ALPK2: variants seen among roughly 807,000 people sequenced by gnomAD.
The protein encoded by ALPK2 is alpha kinase 2.
ALPK2 carries 127 observed loss-of-function variants against 163.1 expected under a neutral mutation model. That is an observed-to-expected ratio of 0.78 (90% CI 0.67 to 0.90). ALPK2 has a LOEUF of 0.90. ALPK2 is among the 40% of genes least tolerant of loss of function. The pLI, the probability that ALPK2 is intolerant of heterozygous loss-of-function variation, is 0.00. For missense variants in ALPK2, 2,360 were observed against 2,589.6 expected (o/e 0.91, Z 1.92); for synonymous variants, 953 against 959.1 (o/e 0.99, Z 0.12).
At chr18:58,521,625 C>CTTTTTT (rs1375364902) in intron 8 of ALPK2, among the ~76,000 whole-genome samples, 8 of 50,550 alleles carry the variant, frequency 1.6e-4, no homozygotes, top group Admixed American at 1.0e-3. Flanking sequence ...CTTTCTCTCT[C>CTTTTTT]TCTTTTTTTT....
intron 4 of ALPK2, among the ~76,000 whole-genome samples, chr18:58,543,673 T>C (rs563463475): frequency 1.3e-5 from 2 of 152,328 alleles, no homozygotes; most frequent in South Asian, 4.1e-4. Flanking sequence ...CTGTGCTTAC[T>C]TTAAAGAAGA....
intron 8 of ALPK2, among the ~76,000 whole-genome samples, chr18:58,519,709 A>C (rs1240688815): frequency 6.6e-6 from 1 of 152,244 alleles, no homozygotes; most frequent in Non-Finnish European, 1.5e-5. Context: ...CTGCAGAGCA[A>C]GAGCTGGAGT....
At chr18:58,576,103 G>A (rs11874560) in intron 4 of ALPK2, among the ~76,000 whole-genome samples, 240 of 152,304 alleles carry the variant, frequency 1.6e-3, no homozygotes, top group African/African-American at 4.8e-3. Flanking sequence ...ACCGAGCGTG[G>A]TGGCTCATGC....
rs746507769 is a variant in ALPK2, at chr18:58,504,165, C to A, written c.6030-17G>T. The A allele has an allele frequency of 2.5e-6, 4 of 1,602,138 alleles. No homozygotes were observed. Among genetic ancestry groups the A allele is most frequent in the Non-Finnish European group, 3.4e-6 (4 of 1,169,400 alleles). Reference sequence around the variant, plus strand: ...GGAATGATCCTGGCAGGGAAGAGAACACAGGCGCACATCAAGGTCTCTACT... The same window carrying A: ...GGAATGATCCTGGCAGGGAAGAGAAAACAGGCGCACATCAAGGTCTCTACT... On this transcript the variant is annotated splice_polypyrimidine_tract_variant and intron_variant, in intron 10 of 12. Coordinates refer to ENST00000361673, the MANE Select transcript of ALPK2 (RefSeq NM_052947.4).
At chr18:58,598,890 C>T (rs1328949052) in intron 3 of ALPK2, among the ~76,000 whole-genome samples, 3 of 152,196 alleles carry the variant, frequency 2.0e-5, no homozygotes, top group Non-Finnish European at 4.4e-5. Flanking sequence ...CTGGTCTGCT[C>T]AGTTCTCAGA....
intron 3 of ALPK2, among the ~76,000 whole-genome samples, chr18:58,598,237 C>G (rs1270377143): frequency 1.3e-5 from 2 of 152,256 alleles, no homozygotes; most frequent in Non-Finnish European, 2.9e-5. Context: ...AGAGCGGCAG[C>G]TCCTCTCCCA....
At position 58,628,990 on chromosome 18, in the gene ALPK2, GGAA is replaced by G. The variant is rs1417766139; in HGVS notation, c.-250_-248del. On this transcript the variant is annotated 5_prime_UTR_variant, in exon 1 of 13. Coordinates refer to ENST00000361673, the MANE Select transcript of ALPK2 (RefSeq NM_052947.4). ...GAAATTCCATGCCCGGGGAAGTTCT[GGAA>G]GAAGAGCATTTTTTCCCCGCCCTTC... The G allele has an allele frequency of 6.6e-6, 1 of 152,224 alleles. No homozygotes were observed. Among genetic ancestry groups the G allele is most frequent in the Admixed American group, 6.5e-5 (1 of 15,280 alleles). The allele number at this position is 152,224 out of a possible 1,614,324, so 9.4% of individuals were successfully genotyped here.
At chr18:58,585,233 T>G (rs905335616) in intron 3 of ALPK2, among the ~76,000 whole-genome samples, 4 of 152,252 alleles carry the variant, frequency 2.6e-5, no homozygotes, top group African/African-American at 9.6e-5. Context: ...TTTGTTTATA[T>G]GGGTTATATC....
intron 4 of ALPK2, among the ~76,000 whole-genome samples, chr18:58,558,629 G>T (rs914750537): frequency 6.6e-6 from 1 of 152,136 alleles, no homozygotes; most frequent in African/African-American, 2.4e-5. Flanking sequence ...GCACATAAAT[G>T]TTCATAGCAG....
At chr18:58,610,165 T>C (rs2052120558) in intron 2 of ALPK2, among the ~76,000 whole-genome samples, 1 of 150,984 alleles carries the variant, frequency 6.6e-6, no homozygotes, top group Non-Finnish European at 1.5e-5. Context: ...TCCCAGCCAC[T>C]TGGGAGGCTG....
chr18:58,491,747 A>G (rs2051375990), intron 12 of ALPK2, among the ~76,000 whole-genome samples: 1 of 152,230 alleles, frequency 6.6e-6, no homozygotes, highest in Non-Finnish European at 1.5e-5. Context: ...TCTCTGTTGC[A>G]GTTCCCATCT....
chr18:58,557,702 T>G (rs60355093), intron 4 of ALPK2, among the ~76,000 whole-genome samples: 2 of 79,366 alleles, frequency 2.5e-5, no homozygotes, highest in African/African-American at 8.1e-5. Flanking sequence ...ATATATATAT[T>G]TATATTTTGT....
intron 12 of ALPK2, among the ~76,000 whole-genome samples, chr18:58,496,707 C>G (rs4940397): frequency 0.12 from 18,547 of 152,182 alleles, 1,375 homozygotes; most frequent in East Asian, 0.39. Context: ...TGGATTCATC[C>G]CACCACTTTA....
At position 58,535,277 on chromosome 18, in the gene ALPK2, A is replaced by G. The variant is rs145722489; in HGVS notation, c.4910T>C (p.Ile1637Thr). ...MEEPKIEVLQIGETKPPSSSS... is the reference protein window; with the variant it reads ...MEEPKIEVLQTGETKPPSSSS... Reference sequence around the variant, plus strand: ...TGAGCTTGGGGGTTTGGTTTCCCCAATTTGAAGCACCTCTATTTTAGGTTC... The same window carrying G: ...TGAGCTTGGGGGTTTGGTTTCCCCAGTTTGAAGCACCTCTATTTTAGGTTC... The change falls in exon 5 of 13, where the codon ATT becomes ACT. Residue 1637 changes from isoleucine to threonine, a missense_variant. Physicochemically the swap from Ile to Thr is moderately conservative, Grantham distance 89. Transcript: ENST00000361673. 11 of 1,614,156 alleles carry G rather than the reference A, an allele frequency of 6.8e-6. No homozygotes were observed. Among genetic ancestry groups the G allele is most frequent in the East Asian group, 6.7e-5 (3 of 44,886 alleles).
At chr18:58,590,437 A>C (rs1161375116) in intron 3 of ALPK2, among the ~76,000 whole-genome samples, 1 of 152,086 alleles carries the variant, frequency 6.6e-6, no homozygotes, top group African/African-American at 2.4e-5. Flanking sequence ...GTGGCTGCGA[A>C]TGTTTTGAGC....
chr18:58,542,857 C>A (rs538784110), intron 4 of ALPK2, among the ~76,000 whole-genome samples: 18 of 152,248 alleles, frequency 1.2e-4, no homozygotes, highest in African/African-American at 3.9e-4. Flanking sequence ...GGGGCTGAAG[C>A]CTTCAGAGCT....
In ALPK2 at chr18:58,537,494, A is replaced by G; in HGVS notation, c.2693T>C (p.Ile898Thr). ...PLFTSTFTLN[I>T]SHTASEGATG... ...GGCACCTTCACTAGCTGTGTGTGAA[A>G]TGTTCAAGGTGAAAGTACTGGTAAA... The change falls in exon 5 of 13, where the codon ATT becomes ACT. Residue 898 changes from isoleucine (I) to threonine (T), a missense_variant. Physicochemically the swap from Ile to Thr is moderately conservative, Grantham distance 89 (BLOSUM62 -1). Transcript: ENST00000361673. 1 of 1,612,084 alleles carries G rather than the reference A, an allele frequency of 6.2e-7. No individual in the cohort carries two copies. The highest frequency in any genetic ancestry group is 8.5e-7 in the Non-Finnish European group (1 of 1,178,590).
chr18:58,564,123 C>CTTTTTTTTTTCTTTTTTTTTTTT (rs2051838675), intron 4 of ALPK2, among the ~76,000 whole-genome samples: 1 of 102,490 alleles, frequency 9.8e-6, no homozygotes, highest in African/African-American at 4.1e-5. Flanking sequence ...TGTCTTTGTT[C>CTTTTTTTTTTCTTTTTTTTTTTT]TTTTTTTTTT....
intron 1 of ALPK2, among the ~76,000 whole-genome samples, chr18:58,617,834 A>G (rs2144238532): frequency 6.6e-6 from 1 of 152,322 alleles, no homozygotes; most frequent in African/African-American, 2.4e-5. Context: ...GCTCTCTATC[A>G]GCTTTTGAAA....
Sources: allele counts gnomAD v4.1 joint callset (sites outside exome capture counted in the v4.1 genomes callset), GRCh38; gene constraint gnomAD v4.1.1; transcripts MANE v1.5; gene names NCBI Gene and HGNC (gene_info 2026-07-23, HGNC 2026-07-21).